Variants in IP6K3 observed in about 807,000 individuals in gnomAD.
IP6K3 encodes ATP:1D-myo-inositol-hexakisphosphate phosphotransferase.
In IP6K3, 20 loss-of-function variants were observed where a neutral mutation model predicts 28.8. The observed-to-expected ratio is 0.70, with a 90% confidence interval of 0.49 to 1.01. The LOEUF (loss-of-function observed/expected upper bound fraction) is 1.01. Ranked by LOEUF, IP6K3 falls within the 50% of genes least tolerant of loss-of-function variation. The pLI is 0.00. For missense variants in IP6K3, 480 were observed against 537.1 expected, an observed-to-expected ratio of 0.89 and a Z score of 1.05; for synonymous variants, 213 against 221.3, an observed-to-expected ratio of 0.96 and a Z score of 0.33.
At chr6:33,750,307 C>G (rs1216470576), upstream of IP6K3, among the ~76,000 whole-genome samples, 1 of 152,204 alleles carries the variant, frequency 6.6e-6, no homozygotes, top group Non-Finnish European at 1.5e-5. This position sits in a 1 kb window ranked among gnomAD's most constrained non-coding sequence, Gnocchi z 4.3. Context: ...CGTCACTTTG[C>G]TGCTTAATAC....
chr6:33,734,646 C>G (rs1017245748), intron 2 of IP6K3, among the ~76,000 whole-genome samples: 32 of 152,178 alleles, frequency 2.1e-4, no homozygotes, highest in African/African-American at 7.5e-4. Flanking sequence ...GGAGCCCGAC[C>G]CCTGCCTGAA....
At position 33,728,273 on chromosome 6, in the gene IP6K3, T is replaced by A. The variant is rs1199875119; in HGVS notation, c.227A>T (p.Asp76Val). ...AACCAAGCTGAGATGGCCTGTGCTG[T>A]CTTTCCAGAGGTGCACTGTGACGGT... is the stretch of plus-strand genomic sequence containing the variant. ...KGTVTVHLWK[D>V]STGHLSLVAN... Residue 76 changes from aspartate (D) to valine (V), a missense_variant, in exon 3 of 6, where the codon GAC (aspartate) becomes GTC (valine). By Grantham distance (152) the Asp-to-Val change is radical. Coordinates refer to ENST00000293756, the MANE Select transcript of IP6K3 (RefSeq NM_054111.5). 6.2e-7 allele frequency: 1 copy of A among 1,614,162 alleles called. No homozygotes were observed. Among genetic ancestry groups the A allele is most frequent in the Admixed American group, 1.7e-5 (1 of 60,026 alleles).
At chr6:33,730,973 G>A (rs770630142) in intron 2 of IP6K3, among the ~76,000 whole-genome samples, 2 of 152,226 alleles carry the variant, frequency 1.3e-5, no homozygotes, top group Admixed American at 1.3e-4. Flanking sequence ...CGTCAGCGCT[G>A]AGGGCTGGGA....
rs570690810 is a variant in IP6K3 at position 33,726,565 on chromosome 6, C to G, written c.589+166G>C. On this transcript the variant is annotated intron_variant, in intron 4 of 5. Transcript: ENST00000293756. ...GGAGGCACCTGATTTCTTCTAGGAC[C>G]CGGGTTTGAGGGCTTGTGCCTTCCA... Among the ~76,000 whole-genome samples the G allele has an allele frequency of 2.6e-5, 4 of 152,298 alleles. No homozygotes were observed. The South Asian group carries it at 8.3e-4, about 32-fold the overall frequency.
At chr6:33,726,621 C>T (rs1210942403) in intron 4 of IP6K3, 110 bp downstream of exon 4, 14 of 1,108,522 alleles carry the variant, frequency 1.3e-5, no homozygotes, top group Non-Finnish European at 1.8e-5. Flanking sequence ...CTCCCTGCTA[C>T]CCTCCATTGG....
Position 33,742,665 on chromosome 6 carries a change from C to A in IP6K3, c.-180+4093G>T, listed in dbSNP as rs181335064. 8.5e-5 allele frequency among the ~76,000 whole-genome samples: 13 copies of A among 152,286 alleles called. No individual in the cohort carries two copies. The highest frequency in any genetic ancestry group is 6.8e-3 in the Middle Eastern group (2 of 294). ...AAATATGTTGGTAATTAACAAAATA[C>A]AAATTCATTTAAAGGCATTATTGAA... On this transcript the variant is annotated intron_variant, in intron 1 of 5. Transcript: ENST00000293756. This position sits in a 1 kb window ranked among gnomAD's most constrained non-coding sequence, Gnocchi z 4.5.
At chr6:33,755,832 C>T in the IP6K3 span, among the ~76,000 whole-genome samples, 1 of 152,340 alleles carries the variant, frequency 6.6e-6, no homozygotes, top group Admixed American at 6.5e-5. Context: ...TGTTAACTGG[C>T]AGACAGCTAA....
intron 5 of IP6K3, among the ~76,000 whole-genome samples, chr6:33,723,888 C>T (rs1561898292): frequency 6.6e-6 from 1 of 152,122 alleles, no homozygotes; most frequent in Non-Finnish European, 1.5e-5. Context: ...CAGAAGGGAG[C>T]AGATGGAAGA....
chr6:33,732,864 A>G (rs1766366880), intron 2 of IP6K3, among the ~76,000 whole-genome samples: 2 of 152,108 alleles, frequency 1.3e-5, no homozygotes, highest in Non-Finnish European at 2.9e-5. Context: ...CTTCCCATCT[A>G]CGAGCAGACC....
intron 5 of IP6K3, among the ~76,000 whole-genome samples, chr6:33,724,462 C>T (rs78382596): frequency 0.025 from 3,873 of 152,234 alleles, 141 homozygotes; most frequent in African/African-American, 0.085. Flanking sequence ...TAAGAGGGAA[C>T]GAGTAGAGGA....
intron 5 of IP6K3, among the ~76,000 whole-genome samples, chr6:33,724,358 A>C (rs893477719): frequency 2.0e-5 from 3 of 152,192 alleles, no homozygotes; most frequent in Non-Finnish European, 4.4e-5. Context: ...TATAGACTCA[A>C]CTTCCAGCTT....
At chr6:33,726,618 C>T in intron 4 of IP6K3, 113 bp downstream of exon 4, 1 of 1,106,430 alleles carries the variant, frequency 9.0e-7, no homozygotes, top group Non-Finnish European at 1.3e-6. Flanking sequence ...TCTCTCCCTG[C>T]TACCCTCCAT....
chr6:33,749,130 G>T (rs933985636), upstream of IP6K3, among the ~76,000 whole-genome samples: 1 of 152,140 alleles, frequency 6.6e-6, no homozygotes, highest in African/African-American at 2.4e-5. Context: ...AGGCCCTTCA[G>T]GTTCTAGAGG....
intron 1 of IP6K3, among the ~76,000 whole-genome samples, chr6:33,743,556 G>T (rs920092250): frequency 6.6e-6 from 1 of 152,206 alleles, no homozygotes; most frequent in Non-Finnish European, 1.5e-5. Flanking sequence ...GGGCCATCCA[G>T]GTTGGAAGGC....
intron 3 of IP6K3, among the ~76,000 whole-genome samples, chr6:33,727,207 C>G (rs1766151501): frequency 6.6e-6 from 1 of 152,166 alleles, no homozygotes; most frequent in African/African-American, 2.4e-5. Context: ...TATTAATGGC[C>G]TTATTATTGA....
chr6:33,723,813 G>A lies in IP6K3; in HGVS notation c.766-626C>T, dbSNP rs1044069388. Among the ~76,000 whole-genome samples, 33 of 152,348 alleles carry A rather than the reference G, an allele frequency of 2.2e-4. 1 individual carries two copies. Among genetic ancestry groups the A allele is most frequent in the Middle Eastern group, 3.4e-3 (1 of 294 alleles). Reference sequence around the variant, plus strand: ...GAGGAGGGAGGTTCATGGCAGCTCTGTGGGGCTGGTGGCTCCTCTCCTTGG... The same window carrying A: ...GAGGAGGGAGGTTCATGGCAGCTCTATGGGGCTGGTGGCTCCTCTCCTTGG... On this transcript the variant is annotated intron_variant, in intron 5 of 5. Transcript: ENST00000293756.
At chr6:33,729,424 T>A (rs1354368871) in intron 2 of IP6K3, among the ~76,000 whole-genome samples, 1 of 152,186 alleles carries the variant, frequency 6.6e-6, no homozygotes, top group Non-Finnish European at 1.5e-5. Flanking sequence ...GCTGAAGGAG[T>A]GACCTGATGG....
upstream of IP6K3, among the ~76,000 whole-genome samples, chr6:33,749,299 T>C (rs1424228357): frequency 6.6e-6 from 1 of 152,158 alleles, no homozygotes; most frequent in Non-Finnish European, 1.5e-5. Flanking sequence ...TCTATTTATG[T>C]AACAACATTT....
At chr6:33,725,413 C>T in intron 5 of IP6K3, 28 bp downstream of exon 5, 15 of 1,592,008 alleles carry the variant, frequency 9.4e-6, no homozygotes, top group Non-Finnish European at 1.3e-5. Flanking sequence ...GGGATGTCCC[C>T]CCCTGTGGTG....
Sources: gnomAD v4.1 joint callset for allele counts (sites outside exome capture counted in the v4.1 genomes callset) on GRCh38, gnomAD v4.1.1 for gene constraint, Gnocchi (gnomAD v3.1) non-coding constraint, MANE v1.5 for transcripts, NCBI Gene and HGNC (gene_info 2026-07-23, HGNC 2026-07-21) for gene names.